ARL13B: variants seen among roughly 807,000 people sequenced by gnomAD.
ARL13B encodes the protein ADP-ribosylation factor-like protein 13B.
In ARL13B, 36 loss-of-function variants were observed where a neutral mutation model predicts 56.1. That is an observed-to-expected ratio of 0.64 (90% CI 0.49 to 0.85). The LOEUF is 0.85. ARL13B is among the 40% of genes least tolerant of loss of function. The pLI, the probability that ARL13B is intolerant of heterozygous loss-of-function variation, is 0.00. For missense variants in ARL13B, 519 were observed against 507.1 expected, an observed-to-expected ratio of 1.02 and a Z score of -0.23; for synonymous variants, 178 against 171.1, an observed-to-expected ratio of 1.04 and a Z score of -0.32.
intron 1 of ARL13B, among the ~76,000 whole-genome samples, chr3:93,988,129 A>T (rs1288014788): frequency 1.3e-5 from 2 of 151,992 alleles, no homozygotes; most frequent in Non-Finnish European, 2.9e-5. Flanking sequence ...GCACATTAAC[A>T]CAGTTATTAG....
intron 3 of ARL13B, among the ~76,000 whole-genome samples, chr3:94,007,897 A>T (rs182207882): frequency 6.6e-6 from 1 of 152,334 alleles, no homozygotes; most frequent in East Asian, 1.9e-4. Context: ...AATCAGCATA[A>T]TATTTTAATT....
At chr3:94,052,434 G>C (rs1435928361) in intron 9 of ARL13B, among the ~76,000 whole-genome samples, 1 of 152,102 alleles carries the variant, frequency 6.6e-6, no homozygotes, top group East Asian at 1.9e-4. Flanking sequence ...GTTAGGGAAA[G>C]TGGCATTAGA....
At chr3:94,024,698 C>G (rs2107030505) in intron 3 of ARL13B, among the ~76,000 whole-genome samples, 1 of 152,184 alleles carries the variant, frequency 6.6e-6, no homozygotes, top group South Asian at 2.1e-4. Context: ...TGATCCTTCT[C>G]CCTCAGCCTC....
chr3:94,012,267 A>T (rs1323572716), intron 3 of ARL13B, among the ~76,000 whole-genome samples: 2 of 152,134 alleles, frequency 1.3e-5, no homozygotes, highest in Admixed American at 6.6e-5. Context: ...TCCTACTGAT[A>T]TAGCTAATAT....
At chr3:93,999,837 GA>G (rs2076024929) in intron 2 of ARL13B, among the ~76,000 whole-genome samples, 1 of 152,172 alleles carries the variant, frequency 6.6e-6, no homozygotes, top group Non-Finnish European at 1.5e-5. Flanking sequence ...CAACAAGATA[GA>G]TGTTTCTTTC....
chr3:94,045,900 G>A lies in ARL13B; in HGVS notation c.1024+2660G>A, dbSNP rs867803997. ...TGGGAGGCAGAGCTTGCAGTGAGCC[G>A]AGATGGTGCCACTGCACTCCAGCCT... is the stretch of plus-strand genomic sequence containing the variant. On this transcript the variant is annotated intron_variant, in intron 7 of 9. Transcript: ENST00000394222. Among the ~76,000 whole-genome samples, 12 of 141,436 alleles carry A rather than the reference G, an allele frequency of 8.5e-5. No individual in the cohort carries two copies. In the South Asian group the frequency reaches 9.1e-4, roughly 11 times the overall value. 92.8% of individuals were successfully genotyped at this position (141,436 alleles called of 152,430 possible).
chr3:93,999,418 C>T (rs2076018294), intron 2 of ARL13B, among the ~76,000 whole-genome samples: 1 of 151,918 alleles, frequency 6.6e-6, no homozygotes, highest in South Asian at 2.1e-4. Flanking sequence ...TTTTTTTATT[C>T]ACAATAGCTT....
At chr3:94,015,272 TC>T in intron 3 of ARL13B, 1 of 1,525,630 alleles carries the variant, frequency 6.6e-7, no homozygotes, top group Non-Finnish European at 8.7e-7. Context: ...TCTTTCATCT[TC>T]CCTTTCCTCC....
At chr3:93,988,713 TA>T in intron 1 of ARL13B, 1 of 457,726 alleles carries the variant, frequency 2.2e-6, no homozygotes. Flanking sequence ...TTTCTGCAGG[TA>T]AATCTTATTT....
intron 7 of ARL13B, among the ~76,000 whole-genome samples, chr3:94,044,825 G>T (rs1212630572): frequency 1.3e-5 from 2 of 148,604 alleles, no homozygotes; most frequent in Non-Finnish European, 3.0e-5. Flanking sequence ...AGTGGGGAGC[G>T]CCTCTGCCCG....
intron 3 of ARL13B, among the ~76,000 whole-genome samples, chr3:94,010,136 GA>G (rs1195721909): frequency 1.3e-5 from 2 of 152,126 alleles, no homozygotes; most frequent in African/African-American, 4.8e-5. Flanking sequence ...TGGTGTAGGA[GA>G]AAGTGTTAAG....
Position 94,055,290 on chromosome 3 carries a change from C to T in ARL13B, c.*2027C>T, listed in dbSNP as rs2077126159. 1 of 415,266 alleles carries T rather than the reference C, an allele frequency of 2.4e-6. No individual in the cohort carries two copies. The highest frequency in any genetic ancestry group is 4.7e-6 in the Non-Finnish European group (1 of 213,398). 25.7% of individuals were successfully genotyped at this position (415,266 alleles called of 1,614,324 possible). Reference sequence around the variant, plus strand: ...AATAATTTATATCAATATTCTGTTTCTCTTTTCAATTGGTAGATTTAAATG... The same window carrying T: ...AATAATTTATATCAATATTCTGTTTTTCTTTTCAATTGGTAGATTTAAATG... On this transcript the variant is annotated 3_prime_UTR_variant, in exon 10 of 10. Transcript: ENST00000394222.
intron 3 of ARL13B, among the ~76,000 whole-genome samples, chr3:94,032,245 T>C (rs889655862): frequency 2.0e-5 from 3 of 151,984 alleles, no homozygotes; most frequent in African/African-American, 7.2e-5. Context: ...GCAAAAGACA[T>C]GAATAGTCAT....
At chr3:94,021,249 A>G (rs1005538591) in intron 3 of ARL13B, among the ~76,000 whole-genome samples, 3 of 150,920 alleles carry the variant, frequency 2.0e-5, no homozygotes, top group Admixed American at 6.6e-5. Context: ...GCTGGAGTGC[A>G]GTGTCATGAT....
At chr3:94,004,973 A>G (rs1324993691) in intron 3 of ARL13B, among the ~76,000 whole-genome samples, 1 of 152,206 alleles carries the variant, frequency 6.6e-6, no homozygotes, top group African/African-American at 2.4e-5. Context: ...TTTCTAGACT[A>G]AAGTAAAAAA....
At chr3:93,996,518 T>C (rs1347106697) in intron 2 of ARL13B, 1 of 163,832 alleles carries the variant, frequency 6.1e-6, no homozygotes, top group Non-Finnish European at 1.3e-5. Context: ...GCTAGTCTTC[T>C]TTTTTTTTTT....
chr3:94,015,009 T>G, intron 3 of ARL13B: 1 of 1,614,062 alleles, frequency 6.2e-7, no homozygotes, highest in Non-Finnish European at 8.5e-7. Context: ...CTCTCTTAAG[T>G]AGACTAAACC....
At chr3:93,982,771 T>C (rs1229786569) in intron 1 of ARL13B, among the ~76,000 whole-genome samples, 2 of 152,214 alleles carry the variant, frequency 1.3e-5, no homozygotes, top group Non-Finnish European at 2.9e-5. Flanking sequence ...CAATGCCTGA[T>C]TTATAATAGT....
chr3:94,041,252 G>A (rs557332779), intron 6 of ARL13B, among the ~76,000 whole-genome samples: 18 of 151,886 alleles, frequency 1.2e-4, no homozygotes, highest in African/African-American at 3.4e-4. Flanking sequence ...TCAATGGAAC[G>A]AATATTAATA....
Sources: gnomAD v4.1 joint callset for allele counts (sites outside exome capture counted in the v4.1 genomes callset) on GRCh38, gnomAD v4.1.1 for gene constraint, MANE v1.5 for transcripts, NCBI Gene and HGNC (gene_info 2026-07-23, HGNC 2026-07-21) for gene names.